The following CCDC148 variants were observed in gnomAD, a reference collection of about 807,000 sequenced individuals.
The protein encoded by CCDC148 is coiled-coil domain-containing protein 148.
A neutral mutation model predicts 85.7 loss-of-function variants in CCDC148; 89 were observed. The observed-to-expected ratio is 1.04, with a 90% CI of 0.87 to 1.24. CCDC148 has a LOEUF of 1.24. CCDC148 is among the 50% of genes most tolerant of loss of function. The probability of loss-of-function intolerance (pLI) is 0.00; values close to 1 mark genes in which losing one functional copy is unlikely to be tolerated. For missense variants in CCDC148, 692 were observed against 671.7 expected, an observed-to-expected ratio of 1.03 and a Z score of -0.33; for synonymous variants, 230 against 213.9, an observed-to-expected ratio of 1.08 and a Z score of -0.66.
At chr2:158,192,868 A>G (rs555590942) in intron 11 of CCDC148, among the ~76,000 whole-genome samples, 149 of 152,152 alleles carry the variant, frequency 9.8e-4, no homozygotes, top group African/African-American at 3.3e-3. Context: ...AATAGAAAAA[A>G]AAAAAAGGCT....
intron 10 of CCDC148, among the ~76,000 whole-genome samples, chr2:158,242,365 G>T (rs1688384201): frequency 6.6e-6 from 1 of 152,102 alleles, no homozygotes; most frequent in African/African-American, 2.4e-5. Flanking sequence ...ATCATTTACT[G>T]AGGCCTTTCT....
chr2:158,228,836 T>G, intron 10 of CCDC148, among the ~76,000 whole-genome samples: 1 of 150,138 alleles, frequency 6.7e-6, no homozygotes, highest in African/African-American at 2.5e-5. Context: ...GGAGGGATAG[T>G]ATTTGGAGAT....
chr2:158,370,908 G>A (rs973391641), intron 1 of CCDC148, among the ~76,000 whole-genome samples: 1 of 148,894 alleles, frequency 6.7e-6, no homozygotes, highest in African/African-American at 2.5e-5. Context: ...AAAAAAAATT[G>A]AACAGAAAGA....
At chr2:158,266,546 T>C (rs1326772856) in intron 9 of CCDC148, among the ~76,000 whole-genome samples, 1 of 152,146 alleles carries the variant, frequency 6.6e-6, no homozygotes, top group Non-Finnish European at 1.5e-5. Flanking sequence ...TAGTGGTGAT[T>C]TGTGAGATTT....
At chr2:158,234,790 G>A (rs1230693802) in intron 10 of CCDC148, among the ~76,000 whole-genome samples, 1 of 152,178 alleles carries the variant, frequency 6.6e-6, no homozygotes, top group African/African-American at 2.4e-5. Context: ...CATATATAGT[G>A]TGATTCTAGT....
intron 10 of CCDC148, among the ~76,000 whole-genome samples, chr2:158,231,717 C>T (rs1687865331): frequency 6.6e-6 from 1 of 152,126 alleles, no homozygotes; most frequent in Admixed American, 6.6e-5. Context: ...TGTGTCATGT[C>T]TAACACATAA....
At chr2:158,330,817 C>G (rs1693064472) in intron 7 of CCDC148, among the ~76,000 whole-genome samples, 1 of 152,120 alleles carries the variant, frequency 6.6e-6, no homozygotes, top group Non-Finnish European at 1.5e-5. Context: ...ATAGTATTCT[C>G]TGATGGTAGT....
chr2:158,351,825 T>C (rs1683316005), intron 2 of CCDC148, among the ~76,000 whole-genome samples: 1 of 151,430 alleles, frequency 6.6e-6, no homozygotes, highest in Non-Finnish European at 1.5e-5. Context: ...TAAATGTCCC[T>C]GTCTGACAGC....
intron 10 of CCDC148, among the ~76,000 whole-genome samples, chr2:158,232,445 A>C (rs934545081): frequency 2.0e-5 from 3 of 152,136 alleles, no homozygotes; most frequent in Non-Finnish European, 1.5e-5. Flanking sequence ...TTATAATATT[A>C]GAGTATCTCA....
At chr2:158,353,718 C>G (rs1683457831) in intron 2 of CCDC148, among the ~76,000 whole-genome samples, 1 of 152,142 alleles carries the variant, frequency 6.6e-6, no homozygotes, top group Non-Finnish European at 1.5e-5. Flanking sequence ...AGCTCTGCAC[C>G]AAGCAGACCT....
At chr2:158,217,251 C>A (rs1298150309) in intron 11 of CCDC148, among the ~76,000 whole-genome samples, 2 of 148,732 alleles carry the variant, frequency 1.3e-5, no homozygotes, top group African/African-American at 4.9e-5. Flanking sequence ...AGTACTCAAC[C>A]ATTTTGACCT....
At chr2:158,389,183 C>T (rs143206596) in intron 1 of CCDC148, among the ~76,000 whole-genome samples, 1 of 152,274 alleles carries the variant, frequency 6.6e-6, no homozygotes, top group Admixed American at 6.5e-5. Context: ...TTAAAAATCT[C>T]ACAGCATATG....
intron 10 of CCDC148, among the ~76,000 whole-genome samples, chr2:158,224,164 T>A (rs1687359203): frequency 6.6e-6 from 1 of 151,974 alleles, no homozygotes; most frequent in African/African-American, 2.4e-5. Context: ...GAGAACTACG[T>A]GATGAATGCA....
chr2:158,276,148 C>T (rs905281289), intron 9 of CCDC148, among the ~76,000 whole-genome samples: 2 of 152,004 alleles, frequency 1.3e-5, no homozygotes, highest in East Asian at 1.9e-4. Flanking sequence ...CATTAAAAAC[C>T]GCCTTGCCTC....
intron 11 of CCDC148, among the ~76,000 whole-genome samples, chr2:158,185,334 A>T (rs1032703664): frequency 6.6e-6 from 1 of 151,994 alleles, no homozygotes; most frequent in Non-Finnish European, 1.5e-5. Context: ...ACAGCTGAAA[A>T]CCTCAGGCTA....
chr2:158,172,162 G>C lies in CCDC148; in HGVS notation c.1727C>G (p.Pro576Arg), dbSNP rs1288912988. The C allele has an allele frequency of 1.2e-6, 2 of 1,609,636 alleles. No individual in the cohort carries two copies. Among genetic ancestry groups the C allele is most frequent in the African/African-American group, 2.7e-5 (2 of 74,682 alleles). The change falls in exon 14 of 14, where the codon CCT (proline) becomes CGT (arginine). Residue 576 changes from proline (P) to arginine (R), a missense_variant. Pro to Arg is a moderately radical substitution (Grantham distance 103, BLOSUM62 -2). Transcript: ENST00000283233. Reference sequence around the variant, plus strand: ...CATGTCCTTTCTTGGAGGTTTTTGAGGACTAATTTTTGGTAATATCTCTTT... The same window carrying C: ...CATGTCCTTTCTTGGAGGTTTTTGACGACTAATTTTTGGTAATATCTCTTT... Reference protein sequence around the residue: ...YAKEILPKISPQKPPRKDMES... With the variant: ...YAKEILPKISRQKPPRKDMES...
chr2:158,390,505 G>T (rs1041424689), intron 1 of CCDC148, among the ~76,000 whole-genome samples: 1 of 152,108 alleles, frequency 6.6e-6, no homozygotes, highest in Non-Finnish European at 1.5e-5. Context: ...TCTGAAACTC[G>T]TTTTAAATAG....
rs181625622 is a variant in CCDC148 at position 158,286,664 on chromosome 2, G to A, written c.1110+22769C>T. ...CCCATGGACATAGACAAATAAAATG[G>A]AATGGAGGGTTCAGAAGTAGATTTA... On this transcript the variant is annotated intron_variant, in intron 9 of 13. Coordinates refer to ENST00000283233, the MANE Select transcript of CCDC148 (RefSeq NM_138803.4). Among the ~76,000 whole-genome samples the A allele has an allele frequency of 2.9e-3, 444 of 152,252 alleles. 5 individuals carry two copies. The highest frequency in any genetic ancestry group is 0.01 in the African/African-American group (428 of 41,558).
chr2:158,375,344 C>A (rs1202533008), intron 1 of CCDC148, among the ~76,000 whole-genome samples: 1 of 152,056 alleles, frequency 6.6e-6, no homozygotes, highest in Non-Finnish European at 1.5e-5. Context: ...TAAATTTCTT[C>A]TGGCCCCTTT....
Sources: allele counts gnomAD v4.1 joint callset (sites outside exome capture counted in the v4.1 genomes callset), GRCh38; gene constraint gnomAD v4.1.1; transcripts MANE v1.5; gene names NCBI Gene and HGNC (gene_info 2026-07-23, HGNC 2026-07-21).